Variants in VGLL3 observed in about 807,000 individuals in gnomAD.
VGLL3 encodes the protein transcription cofactor vestigial-like protein 3.
In VGLL3, 18 loss-of-function variants were observed where a neutral mutation model predicts 29.2. That is an observed-to-expected ratio of 0.62 (90% CI 0.43 to 0.91). The LOEUF is 0.91. Among genes scored for constraint, VGLL3 ranks in the 40% least tolerant of loss-of-function variants. The pLI is 0.00. For missense variants in VGLL3, 440 were observed against 413.2 expected, an observed-to-expected ratio of 1.06 and a Z score of -0.56; for synonymous variants, 180 against 151.8, an observed-to-expected ratio of 1.19 and a Z score of -1.36.
chr3:86,987,300 A>T (rs992069262), intron 1 of VGLL3, among the ~76,000 whole-genome samples: 1 of 152,192 alleles, frequency 6.6e-6, no homozygotes, highest in African/African-American at 2.4e-5. Flanking sequence ...GTTTGAAAAA[A>T]CACCTTACAA....
intron 3 of VGLL3, among the ~76,000 whole-genome samples, chr3:86,963,643 CTT>C (rs771669351): frequency 4.6e-5 from 7 of 152,208 alleles, no homozygotes; most frequent in Non-Finnish European, 1.0e-4. Context: ...TCCATCTTCT[CTT>C]ACATAGCTAG....
intron 2 of VGLL3, among the ~76,000 whole-genome samples, chr3:86,970,520 C>CACAT (rs1409552621): frequency 1.1e-4 from 17 of 148,470 alleles, no homozygotes; most frequent in Non-Finnish European, 2.2e-4. Flanking sequence ...CACACACACA[C>CACAT]ATATGACAGC....
At chr3:86,968,551 T>C in intron 3 of VGLL3, 39 bp downstream of exon 3, 1 of 1,553,252 alleles carries the variant, frequency 6.4e-7, no homozygotes, top group Non-Finnish European at 8.7e-7. Context: ...TTAAATTAAC[T>C]TTATCTTGTT....
At chr3:86,962,319 G>C (rs1704866697) in intron 3 of VGLL3, 3 of 985,268 alleles carry the variant, frequency 3.0e-6, no homozygotes, top group Middle Eastern at 5.2e-4. Flanking sequence ...AGAGGTTAGA[G>C]GAATAAGGAG....
At chr3:86,975,131 AG>A (rs1431416906) in intron 2 of VGLL3, among the ~76,000 whole-genome samples, 3 of 152,228 alleles carry the variant, frequency 2.0e-5, no homozygotes, top group Non-Finnish European at 4.4e-5. Context: ...TAGTAATCCA[AG>A]ATCACATTGC....
In VGLL3 at chr3:86,968,621, T is replaced by C. The variant is rs1371740686; in HGVS notation, c.906A>G (p.Val302=). The C allele has an allele frequency of 6.2e-7, 1 of 1,614,160 alleles. No homozygotes were observed. The highest frequency in any genetic ancestry group is 1.7e-5 in the Admixed American group (1 of 60,028). ...CGAATCCCACGCTGGGCACTATGTC[T>C]ACTGTTCCATGAAAGGCTCCAGCCC... ...SAWAGAFHGT[V]DIVPSVGFDT... The change falls in exon 3 of 4, where the codon GTA becomes GTG. Residue 302 remains valine (V), a synonymous_variant. Coordinates refer to ENST00000398399, the MANE Select transcript of VGLL3 (RefSeq NM_016206.4).
At chr3:86,979,569 A>G (rs982153431) in intron 1 of VGLL3, among the ~76,000 whole-genome samples, 3 of 152,172 alleles carry the variant, frequency 2.0e-5, no homozygotes, top group African/African-American at 4.8e-5. Context: ...ATAATAATAT[A>G]CATTATTTCA....
chr3:86,990,214 C>A, intron 1 of VGLL3: 1 of 760,608 alleles, frequency 1.3e-6, no homozygotes, highest in Non-Finnish European at 1.6e-6. Flanking sequence ...TCTGTCAGCG[C>A]ACTTCATCTT....
At position 86,982,483 on chromosome 3, in the gene VGLL3, T is replaced by G. The variant is rs542559540; in HGVS notation, c.127-3681A>C. 5.5e-4 allele frequency among the ~76,000 whole-genome samples: 84 copies of G among 151,590 alleles called. 3 individuals carry two copies. The South Asian group carries it at 0.017, about 31-fold the overall frequency. On this transcript the variant is annotated intron_variant, in intron 1 of 3. Coordinates refer to ENST00000398399, the MANE Select transcript of VGLL3 (RefSeq NM_016206.4). The stretch of plus-strand genomic sequence containing the variant: ...TTTTTTTAACTAAGTATTTTGCTCA[T>G]AAGCACTTCTGCCACATTCTGTATT...
chr3:86,941,275 A>C lies in VGLL3; in HGVS notation c.*5749T>G, dbSNP rs1262675630. On this transcript the variant is annotated 3_prime_UTR_variant, in exon 4 of 4. Coordinates refer to ENST00000398399, the MANE Select transcript of VGLL3 (RefSeq NM_016206.4). ...AAGAAATTAAATCAATTGTGTAAAT[A>C]ATCATTATTAACTTTTGCTCTAGCC... 6 of 152,452 alleles carry C rather than the reference A, an allele frequency of 3.9e-5. No individual in the cohort carries two copies. The highest frequency in any genetic ancestry group is 1.4e-4 in the African/African-American group (6 of 41,424). The allele number at this position is 152,452 out of a possible 1,614,324, so 9.4% of individuals were successfully genotyped here.
At chr3:86,955,565 AT>A (rs1316233746) in intron 3 of VGLL3, among the ~76,000 whole-genome samples, 1 of 151,650 alleles carries the variant, frequency 6.6e-6, no homozygotes, top group Non-Finnish European at 1.5e-5. Flanking sequence ...AATTTTTTGT[AT>A]TTTTAGTACA....
intron 3 of VGLL3, among the ~76,000 whole-genome samples, chr3:86,960,318 G>A (rs376014928): frequency 1.2e-4 from 18 of 152,140 alleles, no homozygotes; most frequent in East Asian, 5.8e-4. Context: ...ACCACTTAAT[G>A]TGATTCTGTT....
In VGLL3 at chr3:86,968,732, A is replaced by C; in HGVS notation, c.795T>G (p.Pro265=). ...CAGGAATCCTGGCCGCATGCACTGA[A>C]GGCATCAGCAGAGGCCCATAGGATG... ...LDPSYGPLLM[P]SVHAARIPAP... The change falls in exon 3 of 4, where the codon CCT becomes CCG. Residue 265 remains proline (P), a synonymous_variant. Coordinates refer to ENST00000398399, the MANE Select transcript of VGLL3 (RefSeq NM_016206.4). 1.2e-6 allele frequency: 2 copies of C among 1,614,164 alleles called. No homozygotes were observed. The highest frequency in any genetic ancestry group is 1.1e-5 in the South Asian group (1 of 91,076).
At chr3:86,973,069 A>G (rs748585902) in intron 2 of VGLL3, among the ~76,000 whole-genome samples, 21 of 148,274 alleles carry the variant, frequency 1.4e-4, no homozygotes, top group Non-Finnish European at 2.2e-4. Flanking sequence ...GTCTCTTAAA[A>G]AAAACACACA....
chr3:86,956,256 A>T (rs1704720418), intron 3 of VGLL3, among the ~76,000 whole-genome samples: 1 of 152,208 alleles, frequency 6.6e-6, no homozygotes, highest in South Asian at 2.1e-4. Flanking sequence ...GCTGATAAGA[A>T]CCTGACCACT....
intron 1 of VGLL3, among the ~76,000 whole-genome samples, chr3:86,979,214 A>C (rs190307077): frequency 6.6e-6 from 1 of 152,204 alleles, no homozygotes; most frequent in South Asian, 2.1e-4. Context: ...ATGGTTTAGG[A>C]CAGAGAGGAA....
At chr3:86,983,641 C>T (rs1705375837) in intron 1 of VGLL3, among the ~76,000 whole-genome samples, 1 of 152,166 alleles carries the variant, frequency 6.6e-6, no homozygotes, top group South Asian at 2.1e-4. Context: ...CTGCCTCAGC[C>T]TCCCAGAAGT....
At chr3:86,956,734 G>A (rs1392632066) in intron 3 of VGLL3, among the ~76,000 whole-genome samples, 1 of 147,228 alleles carries the variant, frequency 6.8e-6, no homozygotes, top group African/African-American at 2.5e-5. Context: ...GCAGTGAGCC[G>A]AGATCGCGCC....
intron 3 of VGLL3, among the ~76,000 whole-genome samples, chr3:86,950,535 A>T: frequency 6.6e-6 from 1 of 152,240 alleles, no homozygotes. Flanking sequence ...AGTCAAAATT[A>T]TCACAAAATC....
Sources: gnomAD v4.1 joint callset for allele counts (sites outside exome capture counted in the v4.1 genomes callset) on GRCh38, gnomAD v4.1.1 for gene constraint, MANE v1.5 for transcripts, NCBI Gene and HGNC (gene_info 2026-07-23, HGNC 2026-07-21) for gene names.